The following SLIT3 variants were observed in gnomAD, a reference collection of about 807,000 sequenced individuals.
The protein encoded by SLIT3 is slit homolog 3 protein.
In SLIT3, 68 loss-of-function variants were observed where a neutral mutation model predicts 184.0. The observed-to-expected ratio is 0.37, with a 90% CI of 0.30 to 0.45. SLIT3 has a LOEUF of 0.45. Ranked by LOEUF, SLIT3 falls within the 20% of genes least tolerant of loss-of-function variation. The probability of loss-of-function intolerance (pLI) is 1.00; values close to 1 mark genes in which losing one functional copy is unlikely to be tolerated. For missense variants in SLIT3, 1,707 were observed against 2,026.0 expected (o/e 0.84, Z 3.02); for synonymous variants, 831 against 828.6 (o/e 1.00, Z -0.05).
intron 3 of SLIT3, among the ~76,000 whole-genome samples, chr5:169,231,306 TA>T (rs1266100688): frequency 6.6e-6 from 1 of 152,204 alleles, no homozygotes; most frequent in African/African-American, 2.4e-5. Flanking sequence ...ATGAAACCTC[TA>T]CCCAGATCAA....
chr5:168,692,714 G>A lies in SLIT3; in HGVS notation c.3083-14C>T. The stretch of plus-strand genomic sequence containing the variant: ...CGCATAGCTCACCTGGCACAGATGG[G>A]GGAGATAGCTCAGGCCTCAGGCAGG... On this transcript the variant is annotated splice_polypyrimidine_tract_variant and intron_variant, in intron 28 of 35. Coordinates refer to ENST00000519560, the MANE Select transcript of SLIT3 (RefSeq NM_003062.4). The A allele has an allele frequency of 1.2e-6, 2 of 1,604,326 alleles. No homozygotes were observed. Among genetic ancestry groups the A allele is most frequent in the South Asian group, 2.2e-5 (2 of 90,778 alleles).
intron 4 of SLIT3, among the ~76,000 whole-genome samples, chr5:169,123,937 T>G (rs1760981167): frequency 6.6e-6 from 1 of 152,118 alleles, no homozygotes. Flanking sequence ...TTAGCTGAAA[T>G]ACACCCAGGA....
intron 16 of SLIT3, among the ~76,000 whole-genome samples, chr5:168,757,520 G>A (rs555107733): frequency 5.3e-5 from 8 of 151,316 alleles, no homozygotes; most frequent in African/African-American, 1.9e-4. Context: ...TGGAAGCTCC[G>A]CCTCCCAGGT....
At chr5:169,077,463 C>T (rs1256942909) in intron 4 of SLIT3, among the ~76,000 whole-genome samples, 1 of 151,672 alleles carries the variant, frequency 6.6e-6, no homozygotes, top group African/African-American at 2.4e-5. Context: ...CACTTGAACT[C>T]AGAGGGCGGA....
At chr5:169,012,879 C>A (rs1303142339) in intron 4 of SLIT3, 1 of 152,198 alleles carries the variant, frequency 6.6e-6, no homozygotes, top group African/African-American at 2.4e-5. Flanking sequence ...CACGGAGGAG[C>A]CTGGGCCACT....
intron 4 of SLIT3, among the ~76,000 whole-genome samples, chr5:169,171,116 TAG>T (rs1053805874): frequency 5.3e-4 from 81 of 152,354 alleles, no homozygotes; most frequent in African/African-American, 1.9e-3. Context: ...CACAGATGAA[TAG>T]AGAGACTTCA....
At chr5:168,844,473 T>G in intron 6 of SLIT3, 111 bp downstream of exon 6, 3 of 973,018 alleles carry the variant, frequency 3.1e-6, no homozygotes, top group Non-Finnish European at 3.2e-6. Context: ...AGAAATGCAT[T>G]CACACAGACC....
intron 4 of SLIT3, among the ~76,000 whole-genome samples, chr5:168,981,941 A>T (rs1405550760): frequency 6.6e-6 from 1 of 152,162 alleles, no homozygotes; most frequent in Non-Finnish European, 1.5e-5. Context: ...CTGAAGACAT[A>T]AACACTGAAG....
intron 4 of SLIT3, among the ~76,000 whole-genome samples, chr5:169,119,442 A>G (rs1760803943): frequency 1.3e-5 from 2 of 152,236 alleles, no homozygotes; most frequent in South Asian, 4.1e-4. Context: ...TGTTCACAGC[A>G]ATAATTAACC....
intron 4 of SLIT3, among the ~76,000 whole-genome samples, chr5:169,152,456 C>G (rs1762147150): frequency 6.6e-6 from 1 of 152,044 alleles, no homozygotes; most frequent in East Asian, 1.9e-4. Flanking sequence ...CTGAATTTGG[C>G]TGGTAGTCCA....
chr5:169,155,583 G>A (rs1406071264), intron 4 of SLIT3, among the ~76,000 whole-genome samples: 1 of 152,194 alleles, frequency 6.6e-6, no homozygotes, highest in Non-Finnish European at 1.5e-5. Flanking sequence ...ATGAGCCTGA[G>A]TCTTTGCTCA....
chr5:168,881,639 G>C (rs1202142622), intron 5 of SLIT3, among the ~76,000 whole-genome samples: 1 of 152,146 alleles, frequency 6.6e-6, no homozygotes, highest in African/African-American at 2.4e-5. Flanking sequence ...TAACATAGTT[G>C]TTTTTGGTTC....
intron 27 of SLIT3, 135 bp from the exon 28 acceptor site, chr5:168,696,566 G>A: frequency 1.1e-6 from 1 of 930,562 alleles, no homozygotes; most frequent in South Asian, 1.6e-5. Context: ...AAAGCACTTT[G>A]GACACATGAG....
intron 4 of SLIT3, among the ~76,000 whole-genome samples, chr5:168,928,422 C>T (rs762962576): frequency 1.3e-5 from 2 of 152,130 alleles, no homozygotes; most frequent in African/African-American, 2.4e-5. Context: ...AAACAAGAAC[C>T]ACCGTGAGAG....
At chr5:168,727,889 G>A (rs1294868422) in intron 20 of SLIT3, among the ~76,000 whole-genome samples, 2 of 152,196 alleles carry the variant, frequency 1.3e-5, no homozygotes, top group African/African-American at 4.8e-5. Flanking sequence ...TGCAGGAAGT[G>A]TTCTGTGGAC....
At chr5:169,276,916 A>G (rs1373854133) in intron 1 of SLIT3, among the ~76,000 whole-genome samples, 1 of 152,230 alleles carries the variant, frequency 6.6e-6, no homozygotes, top group Non-Finnish European at 1.5e-5. Flanking sequence ...TCTACATCAT[A>G]TAAGTTTTGC....
At chr5:169,201,031 G>A (rs1763891109) in intron 3 of SLIT3, among the ~76,000 whole-genome samples, 1 of 152,152 alleles carries the variant, frequency 6.6e-6, no homozygotes, top group Non-Finnish European at 1.5e-5. Context: ...GGGACAAGCA[G>A]CTTCATTGAG....
intron 1 of SLIT3, among the ~76,000 whole-genome samples, chr5:169,299,521 C>T (rs561886091): frequency 6.6e-6 from 1 of 152,110 alleles, no homozygotes; most frequent in African/African-American, 2.4e-5. Context: ...AACCCTCACC[C>T]ACTTCTCGGC....
chr5:168,925,556 G>T (rs1181016855), intron 4 of SLIT3, among the ~76,000 whole-genome samples: 1 of 152,054 alleles, frequency 6.6e-6, no homozygotes, highest in East Asian at 1.9e-4. Context: ...ATGCAGAGGA[G>T]TCTGGGGACT....
Sources: gnomAD v4.1 joint callset for allele counts (sites outside exome capture counted in the v4.1 genomes callset) on GRCh38, gnomAD v4.1.1 for gene constraint, MANE v1.5 for transcripts, NCBI Gene and HGNC (gene_info 2026-07-23, HGNC 2026-07-21) for gene names.